Variants in R3HDM4 observed in about 807,000 individuals in gnomAD.
The protein encoded by R3HDM4 is R3H domain-containing protein 4.
Under a neutral mutation model 31.3 loss-of-function variants are expected in R3HDM4, and 30 were observed. The ratio of observed to expected loss-of-function variants is 0.96; its 90% CI spans 0.72 to 1.30. The LOEUF (loss-of-function observed/expected upper bound fraction) is 1.30. Among genes scored for constraint, R3HDM4 ranks in the 50% most tolerant of loss-of-function variants. The probability of loss-of-function intolerance (pLI) is 0.00; values close to 1 mark genes in which losing one functional copy is unlikely to be tolerated. For missense variants in R3HDM4, 444 were observed against 366.1 expected, an observed-to-expected ratio of 1.21 and a Z score of -1.74; for synonymous variants, 196 against 156.6, an observed-to-expected ratio of 1.25 and a Z score of -1.88.
At chr19:900,167 G>C (rs369345406) in intron 4 of R3HDM4, 21 bp from the exon 5 acceptor site, 2 of 1,544,084 alleles carry the variant, frequency 1.3e-6, no homozygotes, top group Non-Finnish European at 1.7e-6. Context: ...GGGGGAACAA[G>C]GGGCAGTCTT....
intron 1 of R3HDM4, among the ~76,000 whole-genome samples, chr19:906,155 G>C (rs531510755): frequency 1.4e-3 from 207 of 151,960 alleles, no homozygotes; most frequent in Non-Finnish European, 9.9e-4. Context: ...CTCCGGAGTA[G>C]CTGGGTATAC....
At chr19:903,244 C>T (rs540782331) in intron 1 of R3HDM4, among the ~76,000 whole-genome samples, 1 of 151,752 alleles carries the variant, frequency 6.6e-6, no homozygotes, top group African/African-American at 2.4e-5. Flanking sequence ...CCCGCAAACC[C>T]CCCCCTTAAT....
intron 1 of R3HDM4, among the ~76,000 whole-genome samples, chr19:908,085 G>T (rs2036928514): frequency 6.6e-6 from 1 of 152,048 alleles, no homozygotes; most frequent in East Asian, 1.9e-4. Context: ...CCAGCTACTT[G>T]GGAGGCTGAG....
At position 900,137 on chromosome 19, in the gene R3HDM4, G is replaced by T. The variant is rs140670608; in HGVS notation, c.485C>A (p.Ala162Asp). The T allele has an allele frequency of 1.9e-5, 30 of 1,582,014 alleles. No individual in the cohort carries two copies. The African/African-American group carries it at 3.8e-4, about 20-fold the overall frequency. Reference sequence around the variant, plus strand: ...CTGGAAGCACTCGCGGGGTGTATAGGCGGGGTCCTCTGCAGGAGTGGGGGA... The same window carrying T: ...CTGGAAGCACTCGCGGGGTGTATAGTCGGGGTCCTCTGCAGGAGTGGGGGA... ...RGEDRRREDP[A>D]YTPRECFQRI... Residue 162 changes from alanine (A) to aspartate (D), a missense_variant, in exon 5 of 8, where the codon GCC becomes GAC. By Grantham distance (126) the Ala-to-Asp change is moderately radical. Transcript: ENST00000361574.
At chr19:911,335 T>A (rs906579629) in intron 1 of R3HDM4, among the ~76,000 whole-genome samples, 1 of 152,096 alleles carries the variant, frequency 6.6e-6, no homozygotes, top group Non-Finnish European at 1.5e-5. Context: ...TCCCAGGTAC[T>A]GGGGAGGCTG....
intron 2 of R3HDM4, chr19:901,773 C>T: frequency 1.4e-6 from 1 of 691,226 alleles, no homozygotes; most frequent in Non-Finnish European, 2.4e-6. Flanking sequence ...GGGGCGCCCT[C>T]CCACCCAGCC....
rs2036921720 is a variant in R3HDM4 at position 907,521 on chromosome 19, A to T, written c.72-5391T>A. ...CTGGTATCACCCCATATTACAGATG[A>T]AGGATCTGAGGCTTGGAGAGGTGGG... On this transcript the variant is annotated intron_variant, in intron 1 of 7. Coordinates refer to ENST00000361574, the MANE Select transcript of R3HDM4 (RefSeq NM_138774.4). This position sits in a 1 kb window ranked among gnomAD's most constrained non-coding sequence, Gnocchi z 4.1. 6.6e-6 allele frequency among the ~76,000 whole-genome samples: 1 copy of T among 152,096 alleles called. No individual in the cohort carries two copies. The highest frequency in any genetic ancestry group is 2.4e-5 in the African/African-American group (1 of 41,420).
chr19:901,694 A>G (rs1306258896), intron 2 of R3HDM4, 148 bp from the exon 3 acceptor site: 7 of 1,069,196 alleles, frequency 6.5e-6, no homozygotes, highest in Non-Finnish European at 7.9e-6. Flanking sequence ...AGGTACAGAG[A>G]CCACCTAGAC....
Position 907,245 on chromosome 19 carries a change from A to G in R3HDM4, c.72-5115T>C, listed in dbSNP as rs1193886950. The stretch of plus-strand genomic sequence containing the variant: ...AGAGCACAGCAGCCGACGGGTACTC[A>G]GTGGGAATACAGGGTCATGTTAAGC... On this transcript the variant is annotated intron_variant, in intron 1 of 7. Transcript: ENST00000361574. The surrounding 1 kb of genome is among the most constrained non-coding windows in gnomAD (Gnocchi z 4.1). Among the ~76,000 whole-genome samples, 1 of 152,156 alleles carries G rather than the reference A, an allele frequency of 6.6e-6. No individual in the cohort carries two copies. The highest frequency in any genetic ancestry group is 2.4e-5 in the African/African-American group (1 of 41,424).
intron 7 of R3HDM4, among the ~76,000 whole-genome samples, chr19:898,761 G>A (rs993499035): frequency 4.6e-5 from 7 of 152,098 alleles, no homozygotes; most frequent in African/African-American, 7.2e-5. Context: ...CACCCACCAA[G>A]CTCCAAGCCC....
intron 4 of R3HDM4, 47 bp downstream of exon 4, chr19:900,782 C>T (rs2036821698): frequency 3.5e-6 from 4 of 1,135,216 alleles, no homozygotes; most frequent in Non-Finnish European, 4.9e-6. Flanking sequence ...GCCACGCCCC[C>T]ATCCATACCC....
At position 907,755 on chromosome 19, in the gene R3HDM4, C is replaced by T. The variant is rs2036924365; in HGVS notation, c.71+5332G>A. Among the ~76,000 whole-genome samples the T allele has an allele frequency of 6.6e-6, 1 of 152,180 alleles. No individual in the cohort carries two copies. Among genetic ancestry groups the T allele is most frequent in the African/African-American group, 2.4e-5 (1 of 41,450 alleles). Reference sequence around the variant, plus strand: ...AGCATCCCAGGGCCAGGCCTGGCTCCCCCTTGGCCTAGCACTGCAACACGA... The same window carrying T: ...AGCATCCCAGGGCCAGGCCTGGCTCTCCCTTGGCCTAGCACTGCAACACGA... On this transcript the variant is annotated intron_variant, in intron 1 of 7. Coordinates refer to ENST00000361574, the MANE Select transcript of R3HDM4 (RefSeq NM_138774.4). This position sits in a 1 kb window ranked among gnomAD's most constrained non-coding sequence, Gnocchi z 4.1.
chr19:908,007 A>C (rs1458134787), intron 1 of R3HDM4, among the ~76,000 whole-genome samples: 2 of 152,034 alleles, frequency 1.3e-5, no homozygotes, highest in Non-Finnish European at 2.9e-5. Flanking sequence ...ATCCTGGCCA[A>C]CATGGTAAAA....
In R3HDM4 at chr19:913,132, C is replaced by A; in HGVS notation, c.26G>T (p.Cys9Phe). MVALENPE[C>F]GPEAAEGTPG... ...GGTGCCCTCCGCCGCCTCCGGGCCG[C>A]ACTCGGGGTTCTCCAGCGCGACCAT... is the stretch of plus-strand genomic sequence containing the variant. The change falls in exon 1 of 8, where the codon TGC (cysteine) becomes TTC (phenylalanine). Residue 9 changes from cysteine (C) to phenylalanine (F), a missense_variant. By Grantham distance (205) the Cys-to-Phe change is radical (BLOSUM62 -2). Transcript: ENST00000361574. This position sits in a 1 kb window ranked among gnomAD's most constrained non-coding sequence, Gnocchi z 5.0. 1 of 1,092,312 alleles carries A rather than the reference C, an allele frequency of 9.2e-7. No homozygotes were observed. The highest frequency in any genetic ancestry group is 1.1e-6 in the Non-Finnish European group (1 of 898,228). 67.7% of individuals were successfully genotyped at this position (1,092,312 alleles called of 1,614,324 possible). A position where few individuals can be genotyped will look rare whatever the true frequency, so the allele number is the denominator to read the frequency against.
At position 900,078 on chromosome 19, in the gene R3HDM4, G is replaced by A. The variant is rs1459880474; in HGVS notation, c.544C>T (p.Arg182Cys). The stretch of plus-strand genomic sequence containing the variant: ...CCACTCACCATGGGGATGCGGCTGC[G>A]CTTGAGGACGGCTCGCAGACGCCGG... ...ISRRLRAVLK[R>C]SRIPMETLET... is the part of the protein sequence containing the mutation. The change falls in exon 5 of 8, where the codon CGC becomes TGC. Residue 182 changes from arginine to cysteine, a missense_variant. Arg to Cys is a radical substitution (Grantham distance 180). Coordinates refer to ENST00000361574, the MANE Select transcript of R3HDM4 (RefSeq NM_138774.4). The A allele has an allele frequency of 5.6e-6, 9 of 1,611,314 alleles. No individual in the cohort carries two copies. Among genetic ancestry groups the A allele is most frequent in the African/African-American group, 2.7e-5 (2 of 74,802 alleles).
intron 7 of R3HDM4, 142 bp from the exon 8 acceptor site, chr19:897,682 G>A (rs538133749): frequency 3.1e-6 from 2 of 650,678 alleles, no homozygotes; most frequent in Non-Finnish European, 5.3e-6. Flanking sequence ...GGCCTGGCTG[G>A]CCCTAAGCCC....
intron 4 of R3HDM4, among the ~76,000 whole-genome samples, 189 bp downstream of exon 4, chr19:900,640 C>T (rs1433791048): frequency 8.3e-6 from 1 of 120,614 alleles, no homozygotes; most frequent in East Asian, 3.1e-4. Flanking sequence ...CCCATCGCGG[C>T]CCCACCCACC....
intron 7 of R3HDM4, among the ~76,000 whole-genome samples, chr19:898,540 A>G (rs907538250): frequency 2.0e-5 from 3 of 151,888 alleles, no homozygotes; most frequent in Admixed American, 2.0e-4. Context: ...TGGAGGTTGC[A>G]GTGAGTAAAG....
chr19:907,693 G>T lies in R3HDM4; in HGVS notation c.71+5394C>A, dbSNP rs1351007458. Among the ~76,000 whole-genome samples the T allele has an allele frequency of 1.3e-5, 2 of 152,098 alleles. No homozygotes were observed. Among genetic ancestry groups the T allele is most frequent in the Non-Finnish European group, 2.9e-5 (2 of 68,016 alleles). ...CCTCCAGGCCCACAAGGACCTGCCT[G>T]GTCCTTCCCCTGCTCCAGCACAGCC... On this transcript the variant is annotated intron_variant, in intron 1 of 7. Coordinates refer to ENST00000361574, the MANE Select transcript of R3HDM4 (RefSeq NM_138774.4). This position sits in a 1 kb window ranked among gnomAD's most constrained non-coding sequence, Gnocchi z 4.1.
Sources: gnomAD v4.1 joint callset for allele counts (sites outside exome capture counted in the v4.1 genomes callset) on GRCh38, gnomAD v4.1.1 for gene constraint, Gnocchi (gnomAD v3.1) non-coding constraint, MANE v1.5 for transcripts, NCBI Gene and HGNC (gene_info 2026-07-23, HGNC 2026-07-21) for gene names.